Variants in SLMAP observed in about 807,000 individuals in gnomAD.
The protein encoded by SLMAP is sarcolemma associated protein.
Under a neutral mutation model 128.8 loss-of-function variants are expected in SLMAP, and 44 were observed. The observed-to-expected ratio is 0.34, with a 90% CI of 0.27 to 0.44. The LOEUF is 0.44. Ranked by LOEUF, SLMAP falls within the 20% of genes least tolerant of loss-of-function variation. The probability of loss-of-function intolerance (pLI) is 1.00; values close to 1 mark genes in which losing one functional copy is unlikely to be tolerated. For missense variants in SLMAP, 787 were observed against 985.3 expected, an observed-to-expected ratio of 0.80 and a Z score of 2.69; for synonymous variants, 327 against 348.8, an observed-to-expected ratio of 0.94 and a Z score of 0.70.
At chr3:57,814,248 G>A (rs1379615028) in intron 2 of SLMAP, among the ~76,000 whole-genome samples, 2 of 152,024 alleles carry the variant, frequency 1.3e-5, no homozygotes, top group African/African-American at 2.4e-5. Flanking sequence ...GGAGTGCAGT[G>A]ACACAATCAT....
At chr3:57,817,816 G>T (rs2153523831) in intron 2 of SLMAP, among the ~76,000 whole-genome samples, 1 of 152,300 alleles carries the variant, frequency 6.6e-6, no homozygotes, top group South Asian at 2.1e-4. Context: ...TGTCAAATAG[G>T]TGGTAGCAGG....
intron 2 of SLMAP, among the ~76,000 whole-genome samples, chr3:57,791,082 G>T (rs971405389): frequency 1.3e-5 from 2 of 152,010 alleles, no homozygotes; most frequent in Non-Finnish European, 2.9e-5. Context: ...TTGGATGGAC[G>T]CGTTGGCTTA....
At chr3:57,922,807 C>G in intron 22 of SLMAP, 82 bp from the exon 23 acceptor site, 1 of 1,275,592 alleles carries the variant, frequency 7.8e-7, no homozygotes, top group South Asian at 1.4e-5. Flanking sequence ...TAAATAGGAT[C>G]TGGCGTATAA....
chr3:57,927,590 TA>T lies in SLMAP; in HGVS notation c.*303del. On this transcript the variant is annotated 3_prime_UTR_variant, in exon 25 of 25. Transcript: ENST00000671191. The stretch of plus-strand genomic sequence containing the variant: ...ATAAAATTGTGACTTTATTCTACTG[TA>T]AGCAATAATTTGCTTGCAATTTTTC... 1 of 312,454 alleles carries T rather than the reference TA, an allele frequency of 3.2e-6. No homozygotes were observed. Among genetic ancestry groups the T allele is most frequent in the Non-Finnish European group, 5.8e-6 (1 of 172,198 alleles). 19.4% of individuals were successfully genotyped at this position (312,454 alleles called of 1,614,324 possible).
rs975284095 is a variant in SLMAP at position 57,917,053 on chromosome 3, C to A, written c.2286C>A (p.Asn762Lys). 3.9e-5 allele frequency: 63 copies of A among 1,613,688 alleles called. No homozygotes were observed. Among genetic ancestry groups the A allele is most frequent in the Non-Finnish European group, 5.2e-5 (61 of 1,179,892 alleles). Residue 762 changes from asparagine (N) to lysine (K), a missense_variant, in exon 22 of 25, where the codon AAC becomes AAA. Transcript: ENST00000671191. ...AAACTCTTCTCAGTAAGGCAGAAAACCAAGCAAAGGATGTGCAGAAAGAGG... is the reference window on the plus strand; with the variant it reads ...AAACTCTTCTCAGTAAGGCAGAAAAACAAGCAAAGGATGTGCAGAAAGAGG... ...DLKTLLSKAE[N>K]QAKDVQKEYE...
intron 4 of SLMAP, among the ~76,000 whole-genome samples, chr3:57,841,968 GATT>G (rs2093957666): frequency 6.6e-6 from 1 of 152,112 alleles, no homozygotes; most frequent in East Asian, 1.9e-4. Flanking sequence ...GGTTTTCAGA[GATT>G]ATTATTATGA....
At chr3:57,857,923 T>G (rs2094870860) in intron 7 of SLMAP, 95 bp downstream of exon 7, 2 of 988,868 alleles carry the variant, frequency 2.0e-6, no homozygotes, top group Non-Finnish European at 3.1e-6. Flanking sequence ...AAAGACAAAG[T>G]TATTTCCTAA....
rs1217070492 is a variant in SLMAP at position 57,854,018 on chromosome 3, TATATATA to T, written c.520-3705_520-3699del. On this transcript the variant is annotated intron_variant, in intron 6 of 24. Coordinates refer to ENST00000671191, the MANE Select transcript of SLMAP (RefSeq NM_001377540.1). ...ATATATATTTACATATAATATATAT[TATATATA>T]ATATATAATGTGTATATATATACAC... Among the ~76,000 whole-genome samples the T allele has an allele frequency of 3.6e-5, 4 of 111,370 alleles. No homozygotes were observed. In the South Asian group the frequency reaches 7.9e-4, roughly 22 times the overall value. The allele number at this position is 111,370 out of a possible 152,430, so 73.1% of individuals were successfully genotyped here. A position where few individuals can be genotyped will look rare whatever the true frequency, so the allele number is the denominator to read the frequency against.
chr3:57,923,720 G>C (rs1426915596), intron 23 of SLMAP, among the ~76,000 whole-genome samples: 2 of 152,178 alleles, frequency 1.3e-5, no homozygotes, highest in African/African-American at 2.4e-5. Flanking sequence ...CACTGTCATG[G>C]CTTGGACACT....
Position 57,896,853 on chromosome 3 carries a change from T to C in SLMAP, c.1442-20T>C. ...TGAATACTGTCTGTAATTATATATG[T>C]ATTTTTTTCCTCTCTGTAGACGCCC... On this transcript the variant is annotated intron_variant, in intron 16 of 24. Coordinates refer to ENST00000671191, the MANE Select transcript of SLMAP (RefSeq NM_001377540.1). The C allele has an allele frequency of 6.3e-7, 1 of 1,584,504 alleles. No individual in the cohort carries two copies. Among genetic ancestry groups the C allele is most frequent in the Non-Finnish European group, 8.5e-7 (1 of 1,170,496 alleles).
chr3:57,828,083 G>A (rs951775497), intron 2 of SLMAP, among the ~76,000 whole-genome samples: 19 of 152,278 alleles, frequency 1.2e-4, no homozygotes, highest in East Asian at 1.2e-3. Context: ...CACTGCCGCC[G>A]AGTAGCTGGG....
intron 2 of SLMAP, among the ~76,000 whole-genome samples, chr3:57,805,827 CT>C (rs142013470): frequency 1.8e-3 from 269 of 152,260 alleles, no homozygotes; most frequent in African/African-American, 6.1e-3. Flanking sequence ...TTGACTCCCC[CT>C]ACCAACCCCA....
At chr3:57,853,081 G>T (rs909558911) in intron 6 of SLMAP, among the ~76,000 whole-genome samples, 1 of 152,142 alleles carries the variant, frequency 6.6e-6, no homozygotes, top group Admixed American at 6.5e-5. Context: ...GAATTAAAAA[G>T]GTGAAATTAC....
chr3:57,853,979 A>AT (rs1300035515), intron 6 of SLMAP, among the ~76,000 whole-genome samples: 1 of 105,260 alleles, frequency 9.5e-6, no homozygotes, highest in African/African-American at 3.9e-5. Context: ...ATATATATAT[A>AT]TATATATATA....
chr3:57,804,192 T>G (rs557240644), intron 2 of SLMAP, among the ~76,000 whole-genome samples: 2 of 152,350 alleles, frequency 1.3e-5, no homozygotes, highest in Admixed American at 1.3e-4. Context: ...TCATCTAACA[T>G]CAAAGATTAT....
rs369472379 is a variant in SLMAP at position 57,806,520 on chromosome 3, C to T, written c.199-24863C>T. Among the ~76,000 whole-genome samples the T allele has an allele frequency of 5.9e-5, 9 of 152,244 alleles. No homozygotes were observed. The South Asian group carries it at 1.5e-3, about 25-fold the overall frequency. ...TGGCACAATCTTGGCCCACTGCAACCTCCGCCTCCCGGGTTCAAGCAATTA... is the reference window on the plus strand; with the variant it reads ...TGGCACAATCTTGGCCCACTGCAACTTCCGCCTCCCGGGTTCAAGCAATTA... On this transcript the variant is annotated intron_variant, in intron 2 of 24. Coordinates refer to ENST00000671191, the MANE Select transcript of SLMAP (RefSeq NM_001377540.1).
chr3:57,759,349 A>T (rs1211249749), intron 2 of SLMAP, among the ~76,000 whole-genome samples: 1 of 151,026 alleles, frequency 6.6e-6, no homozygotes, highest in Non-Finnish European at 1.5e-5. Flanking sequence ...GCTATCTCAG[A>T]TCACTGCAAC....
At chr3:57,908,931 A>T (rs1450957732) in intron 18 of SLMAP, 145 bp from the exon 19 acceptor site, 9 of 589,652 alleles carry the variant, frequency 1.5e-5, no homozygotes, top group Non-Finnish European at 2.7e-5. Flanking sequence ...ACTAACTGCT[A>T]ATACTGATAA....
chr3:57,870,210 G>A (rs1020338859), intron 13 of SLMAP, among the ~76,000 whole-genome samples: 34 of 152,016 alleles, frequency 2.2e-4, no homozygotes, highest in Non-Finnish European at 7.4e-5. Context: ...ATAACATGAT[G>A]ATGTAGTTTG....
Sources: allele counts gnomAD v4.1 joint callset (sites outside exome capture counted in the v4.1 genomes callset), GRCh38; gene constraint gnomAD v4.1.1; transcripts MANE v1.5; gene names NCBI Gene and HGNC (gene_info 2026-07-23, HGNC 2026-07-21).